RAPGEF1: variants seen among roughly 807,000 people sequenced by gnomAD.
RAPGEF1 encodes the protein Rap guanine nucleotide exchange factor 1, also known as CRK SH3-binding GNRP.
A neutral mutation model predicts 143.3 loss-of-function variants in RAPGEF1; 33 were observed. The observed-to-expected ratio is 0.23, with a 90% CI of 0.17 to 0.31. RAPGEF1 has a LOEUF of 0.31. RAPGEF1 is among the 10% of genes least tolerant of loss of function. The pLI is 1.00. For missense variants in RAPGEF1, 1,199 were observed against 1,645.4 expected, an observed-to-expected ratio of 0.73 and a Z score of 4.69; for synonymous variants, 629 against 676.5, an observed-to-expected ratio of 0.93 and a Z score of 1.09.
intron 1 of RAPGEF1, among the ~76,000 whole-genome samples, chr9:131,716,760 C>T (rs1777137220): frequency 6.6e-6 from 1 of 152,136 alleles, no homozygotes; most frequent in South Asian, 2.1e-4. Flanking sequence ...GTGACAGAGG[C>T]AGACCCTGTC....
chr9:131,714,668 G>A (rs923318677), intron 1 of RAPGEF1, among the ~76,000 whole-genome samples: 1 of 151,850 alleles, frequency 6.6e-6, no homozygotes, highest in Non-Finnish European at 1.5e-5. Flanking sequence ...AAGTCTGGGA[G>A]GCACTCTTCT....
At chr9:131,676,565 A>C (rs530342131) in intron 1 of RAPGEF1, among the ~76,000 whole-genome samples, 1 of 152,320 alleles carries the variant, frequency 6.6e-6, no homozygotes, top group Admixed American at 6.5e-5. Context: ...ACCTGGAACG[A>C]CACCTCCTGT....
At chr9:131,695,864 T>A (rs936793092) in intron 1 of RAPGEF1, among the ~76,000 whole-genome samples, 1 of 152,198 alleles carries the variant, frequency 6.6e-6, no homozygotes, top group African/African-American at 2.4e-5. Flanking sequence ...AAAAAATCAA[T>A]GTAACTCTGC....
rs192025518 is a variant in RAPGEF1 at position 131,629,071 on chromosome 9, G to A, written c.893+31C>T. The A allele has an allele frequency of 7.9e-4, 1,258 of 1,601,090 alleles. 2 individuals are homozygous for A. Among genetic ancestry groups the A allele is most frequent in the South Asian group, 8.6e-4 (77 of 89,480 alleles). ...TCCCTTTCTTTCTCATTCTGCCATG[G>A]GAGGCACTGGACAAATAGGAAGGTA... On this transcript the variant is annotated intron_variant, in intron 7 of 26. Coordinates refer to ENST00000683357, the MANE Select transcript of RAPGEF1 (RefSeq NM_001377935.1).
chr9:131,626,133 C>G lies in RAPGEF1; in HGVS notation c.1491G>C (p.Arg497=). 8 of 1,613,872 alleles carry G rather than the reference C, an allele frequency of 5.0e-6. No homozygotes were observed. Among genetic ancestry groups the G allele is most frequent in the Non-Finnish European group, 6.8e-6 (8 of 1,179,860 alleles). ...DGSGCRVSYE[R]HPSQYDNISG... is the part of the protein sequence containing the mutation. ...AGATGTTGTCATACTGCGAGGGATG[C>G]CGCTCGTAGGACACCCTGCAGCCAG... Residue 497 remains arginine, a synonymous_variant, in exon 10 of 27, where the codon CGG becomes CGC. Transcript: ENST00000683357.
At chr9:131,620,409 G>C (rs577285661) in intron 11 of RAPGEF1, among the ~76,000 whole-genome samples, 88 of 152,094 alleles carry the variant, frequency 5.8e-4, no homozygotes, top group Admixed American at 1.0e-3. Context: ...CCTGGCTCTC[G>C]GCAACAGTTC....
intron 1 of RAPGEF1, among the ~76,000 whole-genome samples, chr9:131,662,377 T>G (rs1446487112): frequency 1.3e-5 from 2 of 152,156 alleles, no homozygotes; most frequent in Non-Finnish European, 2.9e-5. Flanking sequence ...ATCCTTCATT[T>G]TCCCCCAACA....
intron 12 of RAPGEF1, among the ~76,000 whole-genome samples, chr9:131,610,582 T>A (rs1451129059): frequency 1.3e-5 from 2 of 152,230 alleles, no homozygotes; most frequent in Non-Finnish European, 2.9e-5. Flanking sequence ...GACAGCTGGT[T>A]TTCGGGCTTA....
chr9:131,584,688 A>G lies in RAPGEF1; in HGVS notation c.3234-92T>C. The G allele has an allele frequency of 7.7e-7, 1 of 1,303,722 alleles. No homozygotes were observed. Among genetic ancestry groups the G allele is most frequent in the Non-Finnish European group, 1.1e-6 (1 of 906,866 alleles). The allele number at this position is 1,303,722 out of a possible 1,614,324, so 80.8% of individuals were successfully genotyped here. A position where few individuals can be genotyped will look rare whatever the true frequency, so the allele number is the denominator to read the frequency against. On this transcript the variant is annotated intron_variant, in intron 22 of 26. Coordinates refer to ENST00000683357, the MANE Select transcript of RAPGEF1 (RefSeq NM_001377935.1). This position sits in a 1 kb window ranked among gnomAD's most constrained non-coding sequence, Gnocchi z 6.8. ...TGGAGACAGGACCTGTACGACCCCC[A>G]TGCCAGTGGCCACGAGCCCACCCCT...
intron 1 of RAPGEF1, among the ~76,000 whole-genome samples, chr9:131,676,642 A>G (rs1832406104): frequency 6.6e-6 from 1 of 152,236 alleles, no homozygotes; most frequent in Non-Finnish European, 1.5e-5. Flanking sequence ...GCATGTGGTC[A>G]CTATCATAGC....
At chr9:131,729,922 C>T (rs1836918667) in intron 1 of RAPGEF1, among the ~76,000 whole-genome samples, 1 of 152,200 alleles carries the variant, frequency 6.6e-6, no homozygotes, top group Non-Finnish European at 1.5e-5. Flanking sequence ...TGGCTGGGCG[C>T]AGTGGCTCAC....
chr9:131,627,213 C>CAAAAAAAAAA (rs10690802), intron 9 of RAPGEF1, among the ~76,000 whole-genome samples: 11 of 97,406 alleles, frequency 1.1e-4, no homozygotes, highest in South Asian at 4.2e-4. Flanking sequence ...GGCTCTGTCT[C>CAAAAAAAAAA]AAAAAAAAAA....
chr9:131,684,425 A>G (rs374422842), intron 1 of RAPGEF1, among the ~76,000 whole-genome samples: 1 of 152,276 alleles, frequency 6.6e-6, no homozygotes, highest in East Asian at 1.9e-4. Context: ...ATTTTTCTCT[A>G]TGTGGAATAT....
intron 12 of RAPGEF1, among the ~76,000 whole-genome samples, chr9:131,609,756 C>G (rs1312504595): frequency 6.6e-6 from 1 of 152,192 alleles, no homozygotes; most frequent in Non-Finnish European, 1.5e-5. Flanking sequence ...TGGCCAGGCA[C>G]CAGTTTTTTT....
At chr9:131,677,193 C>A (rs371513810) in intron 1 of RAPGEF1, among the ~76,000 whole-genome samples, 1 of 152,224 alleles carries the variant, frequency 6.6e-6, no homozygotes, top group Non-Finnish European at 1.5e-5. Flanking sequence ...TAAACGTGCA[C>A]GCAGCTTGTT....
At chr9:131,625,884 A>C in intron 10 of RAPGEF1, 38 bp downstream of exon 10, 1 of 1,513,588 alleles carries the variant, frequency 6.6e-7, no homozygotes, top group South Asian at 1.3e-5. Context: ...TTCAGGTTAT[A>C]AAATGCACTT....
At chr9:131,704,342 CT>C (rs1291526031) in intron 1 of RAPGEF1, among the ~76,000 whole-genome samples, 1 of 151,122 alleles carries the variant, frequency 6.6e-6, no homozygotes, top group East Asian at 1.9e-4. Flanking sequence ...AAATTTGCCC[CT>C]ATGGCAGAGC....
chr9:131,581,470 C>G (rs867682923), intron 25 of RAPGEF1, among the ~76,000 whole-genome samples: 1 of 151,874 alleles, frequency 6.6e-6, no homozygotes, highest in Non-Finnish European at 1.5e-5. Context: ...AGGTGGATCA[C>G]CTGAGGTCAA....
intron 22 of RAPGEF1, 107 bp downstream of exon 22, chr9:131,587,629 G>A: frequency 9.8e-7 from 1 of 1,016,570 alleles, no homozygotes; most frequent in South Asian, 1.4e-5. Context: ...GAATGAAAGA[G>A]GCAGCTCCTT....
Sources: gnomAD v4.1 joint callset for allele counts (sites outside exome capture counted in the v4.1 genomes callset) on GRCh38, gnomAD v4.1.1 for gene constraint, Gnocchi (gnomAD v3.1) non-coding constraint, MANE v1.5 for transcripts, NCBI Gene and HGNC (gene_info 2026-07-23, HGNC 2026-07-21) for gene names.